CA10: variants seen among roughly 807,000 people sequenced by gnomAD.
CA10 encodes the protein carbonic anhydrase-related protein 10.
A neutral mutation model predicts 44.2 loss-of-function variants in CA10; 14 were observed. The ratio of observed to expected loss-of-function variants is 0.32; its 90% CI spans 0.21 to 0.50. CA10 has a LOEUF of 0.50. CA10 is among the 20% of genes least tolerant of loss of function. The pLI, the probability that CA10 is intolerant of heterozygous loss-of-function variation, is 0.99. For synonymous variants in CA10, 159 were observed against 141.6 expected (o/e 1.12, Z -0.87); for missense variants, 350 against 409.7 (o/e 0.85, Z 1.26).
chr17:51,906,500 T>G (rs980642457), intron 3 of CA10, among the ~76,000 whole-genome samples: 1 of 152,146 alleles, frequency 6.6e-6, no homozygotes, highest in Non-Finnish European at 1.5e-5. Context: ...CAGGATACCA[T>G]AGCACTCAAT....
At chr17:51,845,500 T>C (rs2143812100) in intron 3 of CA10, among the ~76,000 whole-genome samples, 1 of 152,330 alleles carries the variant, frequency 6.6e-6, no homozygotes, top group African/African-American at 2.4e-5. Context: ...AAATTCCTGA[T>C]CCACAGAAAC....
intron 3 of CA10, among the ~76,000 whole-genome samples, chr17:51,771,341 GA>G (rs1188169397): frequency 2.0e-5 from 3 of 152,062 alleles, no homozygotes; most frequent in Non-Finnish European, 1.5e-5. Flanking sequence ...TTATAGATGT[GA>G]AAAGGTGCTC....
rs920809286 is a variant in CA10, at chr17:51,644,176, T to C, written c.634+5006A>G. Among the ~76,000 whole-genome samples, 83 of 16,116 alleles carry C rather than the reference T, an allele frequency of 5.2e-3. 1 individual carries two copies. The South Asian group carries it at 0.089, about 17-fold the overall frequency. 10.6% of individuals were successfully genotyped at this position (16,116 alleles called of 152,430 possible). A position where few individuals can be genotyped will look rare whatever the true frequency, so the allele number is the denominator to read the frequency against. On this transcript the variant is annotated intron_variant, in intron 6 of 8. Transcript: ENST00000451037. ...AATGATTTTGCACAGTTCCCCCCCT[T>C]TTTTTTTTTCCTGGTCATTCATTCT...
intron 5 of CA10, among the ~76,000 whole-genome samples, chr17:51,649,876 T>C (rs75421764): frequency 1.9e-5 from 1 of 52,000 alleles, no homozygotes; most frequent in Non-Finnish European, 5.3e-5. Context: ...TATAAGGAAA[T>C]GGAAAAAAAA....
intron 4 of CA10, among the ~76,000 whole-genome samples, chr17:51,688,676 G>T (rs543420602): frequency 6.8e-4 from 104 of 152,238 alleles, no homozygotes; most frequent in Non-Finnish European, 4.3e-4. Context: ...TGCCTGAATT[G>T]TATCCCTTTC....
At chr17:51,748,518 G>C in intron 3 of CA10, 1 of 981,272 alleles carries the variant, frequency 1.0e-6, no homozygotes, top group Non-Finnish European at 1.2e-6. Flanking sequence ...GCTGGGACTT[G>C]ATGTTCAGCT....
intron 4 of CA10, among the ~76,000 whole-genome samples, chr17:51,703,039 C>T (rs987330506): frequency 6.6e-6 from 1 of 152,114 alleles, no homozygotes; most frequent in East Asian, 1.9e-4. Flanking sequence ...ATACAAATCA[C>T]TGTGCCCGTT....
rs1981260929 is a variant in CA10 at position 51,900,390 on chromosome 17, G to A, written c.279+30600C>T. Among the ~76,000 whole-genome samples, 3 of 152,160 alleles carry A rather than the reference G, an allele frequency of 2.0e-5. No homozygotes were observed. In the South Asian group the frequency reaches 6.2e-4, roughly 31 times the overall value. ...TTCTGGGCTAGGGTTCTTGCTGACA[G>A]AGCCACTGTTAGCCTGATGGGGTTC... On this transcript the variant is annotated intron_variant, in intron 3 of 8. Coordinates refer to ENST00000451037, the MANE Select transcript of CA10 (RefSeq NM_020178.5).
At chr17:51,681,840 C>T (rs989192475) in intron 4 of CA10, among the ~76,000 whole-genome samples, 1 of 152,140 alleles carries the variant, frequency 6.6e-6, no homozygotes, top group African/African-American at 2.4e-5. Context: ...CACCCTTCTG[C>T]GTCTCCAGTG....
intron 2 of CA10, among the ~76,000 whole-genome samples, chr17:52,011,525 A>G (rs1321765535): frequency 1.3e-5 from 2 of 152,128 alleles, no homozygotes; most frequent in African/African-American, 4.8e-5. Context: ...ATATTAACCA[A>G]TATATAAAAC....
intron 3 of CA10, among the ~76,000 whole-genome samples, chr17:51,853,169 AAG>A (rs201244901): frequency 1.3e-5 from 2 of 152,228 alleles, no homozygotes; most frequent in East Asian, 3.8e-4. Flanking sequence ...TGTTTAATAA[AAG>A]AGAGAATATT....
chr17:51,712,218 T>TA (rs1915962553), intron 4 of CA10, among the ~76,000 whole-genome samples: 1 of 152,176 alleles, frequency 6.6e-6, no homozygotes, highest in African/African-American at 2.4e-5. Flanking sequence ...ATGCCCTTTC[T>TA]ACGCATTTCA....
chr17:51,691,456 A>G (rs921949671), intron 4 of CA10, among the ~76,000 whole-genome samples: 2 of 152,130 alleles, frequency 1.3e-5, no homozygotes, highest in Non-Finnish European at 2.9e-5. Context: ...GCTCCTATAC[A>G]TTTTGGATAT....
chr17:51,769,797 G>A (rs1404136010), intron 3 of CA10, among the ~76,000 whole-genome samples: 3 of 152,178 alleles, frequency 2.0e-5, no homozygotes, highest in Non-Finnish European at 4.4e-5. Flanking sequence ...CCCCAGACCA[G>A]GTAAAGAGGG....
At chr17:52,027,999 C>G (rs1986352763) in intron 2 of CA10, among the ~76,000 whole-genome samples, 1 of 152,136 alleles carries the variant, frequency 6.6e-6, no homozygotes, top group Non-Finnish European at 1.5e-5. Context: ...CTCTCTAAAG[C>G]CATCTTGCTG....
intron 3 of CA10, among the ~76,000 whole-genome samples, chr17:51,800,184 AC>A (rs1906870397): frequency 1.3e-5 from 2 of 152,380 alleles, no homozygotes; most frequent in South Asian, 4.1e-4. Flanking sequence ...GGAATGAAGT[AC>A]CGGTACATGC....
At chr17:52,131,107 AT>A (rs34257969) in intron 1 of CA10, among the ~76,000 whole-genome samples, 351 of 150,330 alleles carry the variant, frequency 2.3e-3, no homozygotes, top group African/African-American at 3.1e-3. Context: ...TTTTTATTTT[AT>A]TTTTTTTTAG....
intron 3 of CA10, among the ~76,000 whole-genome samples, chr17:51,764,040 CT>C (rs2143642780): frequency 6.7e-6 from 1 of 148,350 alleles, no homozygotes; most frequent in East Asian, 2.0e-4. Flanking sequence ...AAAAAAAAAA[CT>C]CTACAAATAA....
At chr17:51,900,210 T>A (rs1981252951) in intron 3 of CA10, among the ~76,000 whole-genome samples, 1 of 152,156 alleles carries the variant, frequency 6.6e-6, no homozygotes. Flanking sequence ...GGACCTCTTA[T>A]AAGGCAGGTC....
Sources: gnomAD v4.1 joint callset for allele counts (sites outside exome capture counted in the v4.1 genomes callset) on GRCh38, gnomAD v4.1.1 for gene constraint, MANE v1.5 for transcripts, NCBI Gene and HGNC (gene_info 2026-07-23, HGNC 2026-07-21) for gene names.